The following YY1 variants were observed in gnomAD, a reference collection of about 807,000 sequenced individuals.
YY1 encodes transcriptional repressor protein YY1.
In YY1, 2 loss-of-function variants were observed where a neutral mutation model predicts 35.6. That is an observed-to-expected ratio of 0.06 (90% CI 0.02 to 0.18). YY1 has a LOEUF of 0.18. Among genes scored for constraint, YY1 ranks in the 10% least tolerant of loss-of-function variants. The pLI is 1.00. For synonymous variants in YY1, 268 were observed against 238.9 expected, an observed-to-expected ratio of 1.12 and a Z score of -1.12; for missense variants, 322 against 573.4, an observed-to-expected ratio of 0.56 and a Z score of 4.48.
At chr14:100,271,627 TTG>T (rs1278509811) in intron 2 of YY1, among the ~76,000 whole-genome samples, 1 of 152,210 alleles carries the variant, frequency 6.6e-6, no homozygotes, top group African/African-American at 2.4e-5. Context: ...TGAAATTCAT[TTG>T]TGTTTCATTA....
Position 100,281,806 on chromosome 14 carries a change from G to C in YY1, c.*4206G>C, listed in dbSNP as rs542517287. On this transcript the variant is annotated 3_prime_UTR_variant, in exon 5 of 5. Coordinates refer to ENST00000262238, the MANE Select transcript of YY1 (RefSeq NM_003403.5). ...CCCTGGTTGCCTGAAGATGGTTTAA[G>C]TGCAGGCCCTTCAGACAAGTCACGT... The C allele has an allele frequency of 1.1e-4, 16 of 152,344 alleles. No homozygotes were observed. Among genetic ancestry groups the C allele is most frequent in the African/African-American group, 3.8e-4 (16 of 41,576 alleles). The allele number at this position is 152,344 out of a possible 1,614,324, so 9.4% of individuals were successfully genotyped here.
chr14:100,277,189 T>C lies in YY1; in HGVS notation c.1063-229T>C. 1.7e-6 allele frequency: 1 copy of C among 596,856 alleles called. No individual in the cohort carries two copies. The highest frequency in any genetic ancestry group is 2.0e-5 in the South Asian group (1 of 50,906). 37.0% of individuals were successfully genotyped at this position (596,856 alleles called of 1,614,324 possible). A position where few individuals can be genotyped will look rare whatever the true frequency, so the allele number is the denominator to read the frequency against. On this transcript the variant is annotated intron_variant, in intron 4 of 4. Coordinates refer to ENST00000262238, the MANE Select transcript of YY1 (RefSeq NM_003403.5). This position sits in a 1 kb window ranked among gnomAD's most constrained non-coding sequence, Gnocchi z 5.6. Reference sequence around the variant, plus strand: ...ACTCTAGCCTGCATTTAGGAAGACTTGCCATTTTGCCAAGTGTTTTAAACA... The same window carrying C: ...ACTCTAGCCTGCATTTAGGAAGACTCGCCATTTTGCCAAGTGTTTTAAACA...
chr14:100,247,004 C>G (rs1890843286), intron 1 of YY1, among the ~76,000 whole-genome samples: 1 of 152,190 alleles, frequency 6.6e-6, no homozygotes, highest in African/African-American at 2.4e-5. Context: ...TTCCCTCCCA[C>G]TATCAACAAC....
chr14:100,262,597 A>T (rs1891099344), intron 2 of YY1, 131 bp downstream of exon 2: 1 of 1,027,006 alleles, frequency 9.7e-7, no homozygotes, highest in East Asian at 2.6e-5. Flanking sequence ...AAACAAAAGC[A>T]GTCAGTTTTA....
chr14:100,274,671 G>C, intron 2 of YY1, 27 bp from the exon 3 acceptor site: 1 of 1,604,432 alleles, frequency 6.2e-7, no homozygotes, highest in Non-Finnish European at 8.5e-7. Context: ...CTACAAATCT[G>C]TCTGTCTCTC....
chr14:100,257,886 C>T (rs114440392), intron 1 of YY1, among the ~76,000 whole-genome samples: 2,096 of 152,262 alleles, frequency 0.014, 34 homozygotes, highest in African/African-American at 0.048. Flanking sequence ...CACCTGTAAT[C>T]CCAGCACTTT....
In YY1 at chr14:100,264,543, G is replaced by T. The variant is rs1891126781; in HGVS notation, c.842+2077G>T. 2.0e-5 allele frequency among the ~76,000 whole-genome samples: 3 copies of T among 152,186 alleles called. No homozygotes were observed. In the South Asian group the frequency reaches 6.2e-4, roughly 31 times the overall value. On this transcript the variant is annotated intron_variant, in intron 2 of 4. Coordinates refer to ENST00000262238, the MANE Select transcript of YY1 (RefSeq NM_003403.5). The stretch of plus-strand genomic sequence containing the variant: ...CGCTTCCAGGGAAATGACTGGAGTT[G>T]AGGTAAACTGGAACCAGATCATTAA...
intron 2 of YY1, among the ~76,000 whole-genome samples, chr14:100,272,168 C>T (rs978567710): frequency 1.3e-5 from 2 of 151,676 alleles, no homozygotes; most frequent in Non-Finnish European, 1.5e-5. Context: ...TGGTGGCGGG[C>T]GCCTGTAGTC....
At chr14:100,265,809 C>T (rs557959793) in intron 2 of YY1, among the ~76,000 whole-genome samples, 31 of 152,042 alleles carry the variant, frequency 2.0e-4, no homozygotes, top group African/African-American at 6.3e-4. Flanking sequence ...CCACCGTACC[C>T]GGCTAATTTT....
chr14:100,275,048 T>A (rs1891299407), intron 3 of YY1, among the ~76,000 whole-genome samples: 1 of 152,230 alleles, frequency 6.6e-6, no homozygotes, highest in Non-Finnish European at 1.5e-5. Context: ...CTTAAGATCC[T>A]GGGTTGTGTC....
intron 1 of YY1, among the ~76,000 whole-genome samples, chr14:100,240,333 G>C (rs1212760058): frequency 6.8e-6 from 1 of 147,144 alleles, no homozygotes; most frequent in East Asian, 2.0e-4. Context: ...GAGGTCGTTG[G>C]CGGGGCTGCG....
chr14:100,274,488 G>C (rs61992955), intron 2 of YY1, among the ~76,000 whole-genome samples: 7,407 of 152,330 alleles, frequency 0.049, 205 homozygotes, highest in African/African-American at 0.06. Flanking sequence ...TTTCTAGCCT[G>C]AGCATCCTTA....
chr14:100,281,231 A>C lies in YY1; in HGVS notation c.*3631A>C, dbSNP rs1320592668. 1.3e-5 allele frequency: 2 copies of C among 151,532 alleles called. No homozygotes were observed. The highest frequency in any genetic ancestry group is 3.9e-4 in the East Asian group (2 of 5,160). The allele number at this position is 151,532 out of a possible 1,614,324, so 9.4% of individuals were successfully genotyped here. On this transcript the variant is annotated 3_prime_UTR_variant, in exon 5 of 5. Coordinates refer to ENST00000262238, the MANE Select transcript of YY1 (RefSeq NM_003403.5). ...GTTGTTGATCTTTAATTATTTAATT[A>C]TTCTTTAATAATCCTTCTATTTTCT...
At chr14:100,247,036 G>C (rs747039946) in intron 1 of YY1, among the ~76,000 whole-genome samples, 1 of 152,158 alleles carries the variant, frequency 6.6e-6, no homozygotes, top group Admixed American at 6.5e-5. Context: ...AGTGGGAAAA[G>C]AAAAATCCGT....
At position 100,277,065 on chromosome 14, in the gene YY1, T is replaced by C. The variant is rs554563590; in HGVS notation, c.1063-353T>C. On this transcript the variant is annotated intron_variant, in intron 4 of 4. Coordinates refer to ENST00000262238, the MANE Select transcript of YY1 (RefSeq NM_003403.5). This position sits in a 1 kb window ranked among gnomAD's most constrained non-coding sequence, Gnocchi z 5.6. The stretch of plus-strand genomic sequence containing the variant: ...CATAAATAAGTGAAAGAACTAGCAG[T>C]GCAGCTAGTAAATCTAACGTGGTTC... 56 of 435,256 alleles carry C rather than the reference T, an allele frequency of 1.3e-4. No individual in the cohort carries two copies. The South Asian group carries it at 1.4e-3, about 11-fold the overall frequency. The allele number at this position is 435,256 out of a possible 1,614,324, so 27.0% of individuals were successfully genotyped here.
intron 2 of YY1, among the ~76,000 whole-genome samples, chr14:100,270,610 G>A (rs1241295724): frequency 6.6e-6 from 1 of 151,876 alleles, no homozygotes; most frequent in South Asian, 2.1e-4. Context: ...GCAAAAGAGT[G>A]AAACTCCATC....
At chr14:100,255,394 G>A (rs1239719442) in intron 1 of YY1, among the ~76,000 whole-genome samples, 2 of 152,044 alleles carry the variant, frequency 1.3e-5, no homozygotes, top group Admixed American at 6.6e-5. Context: ...TGAGGTGGGC[G>A]GATCACCTGA....
intron 1 of YY1, among the ~76,000 whole-genome samples, chr14:100,258,448 A>G (rs1409228330): frequency 6.6e-6 from 1 of 152,202 alleles, no homozygotes; most frequent in Non-Finnish European, 1.5e-5. Flanking sequence ...AACCTTGGGT[A>G]TATTATCACT....
chr14:100,244,665 C>G (rs1391264680), intron 1 of YY1, among the ~76,000 whole-genome samples: 2 of 151,062 alleles, frequency 1.3e-5, no homozygotes, highest in African/African-American at 4.9e-5. Context: ...TCACGGCAGC[C>G]TCAACCTCCC....
Sources: allele counts gnomAD v4.1 joint callset (sites outside exome capture counted in the v4.1 genomes callset), GRCh38; gene constraint gnomAD v4.1.1; non-coding constraint Gnocchi (gnomAD v3.1); transcripts MANE v1.5; gene names NCBI Gene and HGNC (gene_info 2026-07-23, HGNC 2026-07-21).